Variants in TENM3 observed in about 807,000 individuals in gnomAD.
The protein encoded by TENM3 is teneurin-3.
In TENM3, 63 loss-of-function variants were observed where a neutral mutation model predicts 255.1. The ratio of observed to expected loss-of-function variants is 0.25; its 90% CI spans 0.20 to 0.30. The LOEUF is 0.30. TENM3 is among the 10% of genes least tolerant of loss of function. The probability of loss-of-function intolerance (pLI) is 1.00; values close to 1 mark genes in which losing one functional copy is unlikely to be tolerated. For missense variants in TENM3, 2,929 were observed against 3,461.1 expected (o/e 0.85, Z 3.86); for synonymous variants, 1,306 against 1,322.3 (o/e 0.99, Z 0.27).
At chr4:181,663,811 C>G in the TENM3 span, among the ~76,000 whole-genome samples, 5 of 152,194 alleles carry the variant, frequency 3.3e-5, no homozygotes, top group South Asian at 1.0e-3. Flanking sequence ...AGCCCTTTCT[C>G]AGCTTCCAGT....
intron 1 of TENM3, among the ~76,000 whole-genome samples, chr4:182,152,205 G>A (rs937908364): frequency 5.3e-5 from 8 of 151,936 alleles, no homozygotes; most frequent in African/African-American, 1.9e-4. Context: ...AGGGGTGAAA[G>A]CTGAAGAGAA....
intron 3 of TENM3, among the ~76,000 whole-genome samples, chr4:182,392,926 C>G (rs375097650): frequency 6.6e-6 from 1 of 152,046 alleles, no homozygotes; most frequent in Admixed American, 6.5e-5. Flanking sequence ...AACTGAATAA[C>G]GATAGAAATT....
At chr4:182,705,697 G>A (rs182184815) in intron 12 of TENM3, among the ~76,000 whole-genome samples, 15 of 152,222 alleles carry the variant, frequency 9.9e-5, no homozygotes, top group East Asian at 5.8e-4. Flanking sequence ...TGTCTCAGCC[G>A]GACAGGAACA....
At chr4:181,636,730 C>T in the TENM3 span, among the ~76,000 whole-genome samples, 3 of 152,224 alleles carry the variant, frequency 2.0e-5, no homozygotes, top group Non-Finnish European at 4.4e-5. Flanking sequence ...AACAGTTCTT[C>T]TTTTCTCTGC....
At chr4:181,784,183 G>A in the TENM3 span, among the ~76,000 whole-genome samples, 1 of 151,010 alleles carries the variant, frequency 6.6e-6, no homozygotes, top group Non-Finnish European at 1.5e-5. Context: ...ACCGCTAAGT[G>A]AATTGTTTTC....
intron 4 of TENM3, among the ~76,000 whole-genome samples, chr4:182,614,483 T>A (rs557921503): frequency 6.6e-6 from 1 of 152,322 alleles, no homozygotes; most frequent in East Asian, 1.9e-4. Flanking sequence ...TATTACTGAC[T>A]TACTATGAGT....
At chr4:182,716,832 C>G (rs1759218439) in intron 13 of TENM3, among the ~76,000 whole-genome samples, 1 of 152,110 alleles carries the variant, frequency 6.6e-6, no homozygotes, top group African/African-American at 2.4e-5. Context: ...TGTTATAGAT[C>G]CATTGTCTAA....
the TENM3 span, among the ~76,000 whole-genome samples, chr4:181,615,960 G>A: frequency 2.6e-5 from 4 of 152,162 alleles, no homozygotes; most frequent in South Asian, 8.3e-4. Context: ...ATAACCAGTG[G>A]TAACTAATAG....
At chr4:181,826,097 T>A in the TENM3 span, among the ~76,000 whole-genome samples, 1 of 152,218 alleles carries the variant, frequency 6.6e-6, no homozygotes, top group Non-Finnish European at 1.5e-5. Flanking sequence ...TTGTTAGTAG[T>A]GGGTTTATTT....
the TENM3 span, among the ~76,000 whole-genome samples, chr4:181,491,094 C>T: frequency 6.6e-6 from 1 of 151,536 alleles, no homozygotes; most frequent in African/African-American, 2.4e-5. Context: ...TTTACGAATG[C>T]CTAAAAAAAA....
chr4:181,863,226 A>G, the TENM3 span, among the ~76,000 whole-genome samples: 3 of 152,306 alleles, frequency 2.0e-5, no homozygotes, highest in African/African-American at 7.2e-5. Context: ...CTTCTAGGAC[A>G]GTGTTTGTTC....
the TENM3 span, among the ~76,000 whole-genome samples, chr4:182,013,313 G>A: frequency 6.6e-6 from 1 of 152,210 alleles, no homozygotes; most frequent in Admixed American, 6.5e-5. Flanking sequence ...AGCAGATGCA[G>A]TAAAGCTTAG....
chr4:182,175,977 G>T (rs1752462787), intron 1 of TENM3, among the ~76,000 whole-genome samples: 1 of 151,758 alleles, frequency 6.6e-6, no homozygotes, highest in Admixed American at 6.6e-5. Flanking sequence ...GTTGCAGGTG[G>T]ATGACTCATT....
At chr4:181,448,154 A>ATTTTTTT in the TENM3 span, among the ~76,000 whole-genome samples, 6 of 90,116 alleles carry the variant, frequency 6.7e-5, no homozygotes, top group South Asian at 4.4e-4. Flanking sequence ...AAATCCAGTA[A>ATTTTTTT]TTTTTTTTTT....
At chr4:182,481,437 G>A (rs1181562409) in intron 3 of TENM3, among the ~76,000 whole-genome samples, 1 of 152,124 alleles carries the variant, frequency 6.6e-6, no homozygotes, top group East Asian at 1.9e-4. Context: ...TCATTATTCA[G>A]TAGGGTAAAT....
chr4:182,495,345 C>G (rs1735675852), intron 3 of TENM3, among the ~76,000 whole-genome samples: 1 of 152,048 alleles, frequency 6.6e-6, no homozygotes, highest in Non-Finnish European at 1.5e-5. Flanking sequence ...CACCTTGGTC[C>G]TGGTGGAATG....
At chr4:181,953,267 C>T in the TENM3 span, among the ~76,000 whole-genome samples, 1 of 149,512 alleles carries the variant, frequency 6.7e-6, no homozygotes, top group Non-Finnish European at 1.5e-5. Context: ...ACCACCACCA[C>T]CACCACCACC....
the TENM3 span, among the ~76,000 whole-genome samples, chr4:181,540,543 C>G: frequency 2.6e-5 from 4 of 152,154 alleles, no homozygotes. Context: ...GCAGGCCATG[C>G]AAGCTGACAC....
At chr4:181,501,063 C>T in the TENM3 span, among the ~76,000 whole-genome samples, 5 of 152,294 alleles carry the variant, frequency 3.3e-5, no homozygotes, top group South Asian at 1.0e-3. Context: ...CCGCCCACCT[C>T]ATAGAGTCAC....
Sources: gnomAD v4.1 joint callset for allele counts (sites outside exome capture counted in the v4.1 genomes callset) on GRCh38, gnomAD v4.1.1 for gene constraint, MANE v1.5 for transcripts, NCBI Gene and HGNC (gene_info 2026-07-23, HGNC 2026-07-21) for gene names.